The following PCDHGA4 variants were observed in gnomAD, a reference collection of about 807,000 sequenced individuals.
PCDHGA4 encodes the protein protocadherin gamma-A4.
A neutral mutation model predicts 54.6 loss-of-function variants in PCDHGA4; 38 were observed. The ratio of observed to expected loss-of-function variants is 0.70; its 90% CI spans 0.54 to 0.91. The LOEUF (loss-of-function observed/expected upper bound fraction) is 0.91, where lower values mean the gene tolerates loss of function less well. PCDHGA4 is among the 40% of genes least tolerant of loss of function. PCDHGA4 has a pLI of 0.00. For synonymous variants in PCDHGA4, 511 were observed against 512.9 expected (o/e 1.00, Z 0.05); for missense variants, 1,298 against 1,220.9 (o/e 1.06, Z -0.94).
At chr5:141,363,656 A>C (rs1763020293) in intron 1 of PCDHGA4, among the ~76,000 whole-genome samples, 1 of 152,232 alleles carries the variant, frequency 6.6e-6, no homozygotes, top group African/African-American at 2.4e-5. Context: ...AAAGATCTTT[A>C]TTTCTTCTGC....
chr5:141,420,933 T>C (rs1227912236), intron 1 of PCDHGA4: 1 of 375,320 alleles, frequency 2.7e-6, no homozygotes, highest in African/African-American at 2.1e-5. Context: ...GTGAGCGTAA[T>C]CATTTCTTCT....
Position 141,432,617 on chromosome 5 carries a change from G to A in PCDHGA4, c.2515-62190G>A. The A allele has an allele frequency of 6.2e-7, 1 of 1,613,694 alleles. No individual in the cohort carries two copies. Among genetic ancestry groups the A allele is most frequent in the South Asian group, 1.1e-5 (1 of 91,044 alleles). On this transcript the variant is annotated intron_variant, in intron 1 of 3. Coordinates refer to ENST00000571252, the MANE Select transcript of PCDHGA4 (RefSeq NM_018917.4). This position sits in a 1 kb window ranked among gnomAD's most constrained non-coding sequence, Gnocchi z 6.0. ...CAGCGAGCCGGGACTCTTCTCGGTGGGTCTGCACACGGGCGAGGTGCGCAC... is the reference window on the plus strand; with the variant it reads ...CAGCGAGCCGGGACTCTTCTCGGTGAGTCTGCACACGGGCGAGGTGCGCAC...
In PCDHGA4 at chr5:141,383,791, A is replaced by G. The variant is rs763044850; in HGVS notation, c.2514+26170A>G. 4 of 1,613,998 alleles carry G rather than the reference A, an allele frequency of 2.5e-6. No homozygotes were observed. In the South Asian group the frequency reaches 4.4e-5, roughly 18 times the overall value. On this transcript the variant is annotated intron_variant, in intron 1 of 3. Transcript: ENST00000571252. ...AAAGATGTTTCATCTGAACTCGCTT[A>G]CAGGAGAAATATCAACTTTAGAAGG...
At chr5:141,483,955 G>A (rs1244162791) in intron 1 of PCDHGA4, among the ~76,000 whole-genome samples, 1 of 144,218 alleles carries the variant, frequency 6.9e-6, no homozygotes, top group African/African-American at 2.6e-5. Flanking sequence ...ATTGTGTTGT[G>A]TTTCTGTGCT....
intron 1 of PCDHGA4, chr5:141,430,556 C>A (rs1479639096): frequency 9.7e-6 from 4 of 413,394 alleles, no homozygotes; most frequent in African/African-American, 2.1e-5. Flanking sequence ...GTTCACCAAT[C>A]GGGGAGAGAA....
chr5:141,408,362 C>T (rs773344794), intron 1 of PCDHGA4: 36 of 1,613,850 alleles, frequency 2.2e-5, no homozygotes, highest in Non-Finnish European at 3.1e-5. Flanking sequence ...CGCTAAGGAT[C>T]TAGGGCTCAG....
At chr5:141,404,326 A>G in intron 1 of PCDHGA4, 2 of 1,613,904 alleles carry the variant, frequency 1.2e-6, no homozygotes, top group Non-Finnish European at 1.7e-6. Context: ...CCTCCTACTC[A>G]GTCTACCTCC....
At chr5:141,442,111 C>G (rs1265830634) in intron 1 of PCDHGA4, 1 of 166,236 alleles carries the variant, frequency 6.0e-6, no homozygotes, top group Non-Finnish European at 1.3e-5. Context: ...CACTACCGCC[C>G]CTCGTCGCCG....
At position 141,410,750 on chromosome 5, in the gene PCDHGA4, A is replaced by G. The variant is rs1256862831; in HGVS notation, c.2514+53129A>G. Reference sequence around the variant, plus strand: ...CATAGCTTTTTACAATATTTTCTCAATGTTTTTTCAATTATAGTTTTCACT... The same window carrying G: ...CATAGCTTTTTACAATATTTTCTCAGTGTTTTTTCAATTATAGTTTTCACT... On this transcript the variant is annotated intron_variant, in intron 1 of 3. Coordinates refer to ENST00000571252, the MANE Select transcript of PCDHGA4 (RefSeq NM_018917.4). 23 of 1,243,022 alleles carry G rather than the reference A, an allele frequency of 1.9e-5. No homozygotes were observed. The East Asian group carries it at 4.4e-4, about 24-fold the overall frequency. 77.0% of individuals were successfully genotyped at this position (1,243,022 alleles called of 1,614,324 possible). A position where few individuals can be genotyped will look rare whatever the true frequency, so the allele number is the denominator to read the frequency against.
chr5:141,355,665 T>C lies in PCDHGA4; in HGVS notation c.558T>C (p.Pro186=). The C allele has an allele frequency of 6.2e-7, 1 of 1,614,016 alleles. No individual in the cohort carries two copies. The highest frequency in any genetic ancestry group is 8.5e-7 in the Non-Finnish European group (1 of 1,179,888). The change falls in exon 1 of 4, where the codon CCT becomes CCC. Residue 186 remains proline (P), a synonymous_variant. Transcript: ENST00000571252. ...NENPGARFPL[P]EAFDPDVGVN... ...ATCCTGGGGCAAGATTTCCTCTTCC[T>C]GAAGCTTTTGATCCGGATGTAGGTG...
chr5:141,409,159 G>C, intron 1 of PCDHGA4: 1 of 1,614,014 alleles, frequency 6.2e-7, no homozygotes, highest in East Asian at 2.2e-5. Flanking sequence ...CCATGGAAGT[G>C]GAAGCGAAGG....
Position 141,376,335 on chromosome 5 carries a change from A to G in PCDHGA4, c.2514+18714A>G, listed in dbSNP as rs754863044. On this transcript the variant is annotated intron_variant, in intron 1 of 3. Coordinates refer to ENST00000571252, the MANE Select transcript of PCDHGA4 (RefSeq NM_018917.4). ...GTGGAAGGGGTTCGGGCTTTCCTGCAGACCTATTCCCACGAGGTCTCACTC... is the reference window on the plus strand; with the variant it reads ...GTGGAAGGGGTTCGGGCTTTCCTGCGGACCTATTCCCACGAGGTCTCACTC... 9 of 1,614,080 alleles carry G rather than the reference A, an allele frequency of 5.6e-6. No individual in the cohort carries two copies. The East Asian group carries it at 6.7e-5, about 12-fold the overall frequency.
At chr5:141,437,187 G>A (rs1055878763) in intron 1 of PCDHGA4, among the ~76,000 whole-genome samples, 1 of 152,148 alleles carries the variant, frequency 6.6e-6, no homozygotes, top group Non-Finnish European at 1.5e-5. Context: ...ACTGGGCAAT[G>A]GGTTTGGATG....
intron 1 of PCDHGA4, among the ~76,000 whole-genome samples, chr5:141,373,691 T>G (rs1588722666): frequency 6.6e-6 from 1 of 152,234 alleles, no homozygotes; most frequent in Admixed American, 6.5e-5. Flanking sequence ...TCAGAGAACA[T>G]TTAAAATTAT....
At chr5:141,403,646 G>A in intron 1 of PCDHGA4, 1 of 1,613,950 alleles carries the variant, frequency 6.2e-7, no homozygotes, top group Non-Finnish European at 8.5e-7. Context: ...CCATGTGACA[G>A]TGTTGGATAC....
intron 1 of PCDHGA4, chr5:141,375,887 G>T (rs1290311886): frequency 2.5e-6 from 4 of 1,613,656 alleles, no homozygotes; most frequent in South Asian, 1.1e-5. Context: ...GGGCCAGAAC[G>T]CCTGGCTGTC....
chr5:141,365,319 G>T (rs745669256), intron 1 of PCDHGA4: 2 of 1,613,982 alleles, frequency 1.2e-6, no homozygotes, highest in South Asian at 2.2e-5. Context: ...CTTGTTGCCA[G>T]CGCTAAGGTG....
intron 1 of PCDHGA4, chr5:141,405,129 G>C: frequency 6.2e-7 from 1 of 1,613,964 alleles, no homozygotes. Flanking sequence ...CATCTGCTGC[G>C]GGCTACCAGT....
chr5:141,469,974 T>C (rs1456176152), intron 1 of PCDHGA4, among the ~76,000 whole-genome samples: 1 of 151,864 alleles, frequency 6.6e-6, no homozygotes, highest in African/African-American at 2.4e-5. Context: ...GTACCAAAAA[T>C]ACAAAAATTA....
Sources: gnomAD v4.1 joint callset for allele counts (sites outside exome capture counted in the v4.1 genomes callset) on GRCh38, gnomAD v4.1.1 for gene constraint, Gnocchi (gnomAD v3.1) non-coding constraint, MANE v1.5 for transcripts, NCBI Gene and HGNC (gene_info 2026-07-23, HGNC 2026-07-21) for gene names.